Variants in WNK1 observed in about 807,000 individuals in gnomAD.
The protein encoded by WNK1 is WNK lysine deficient protein kinase 1, also known as serine/threonine-protein kinase WNK1.
A neutral mutation model predicts 222.8 loss-of-function variants in WNK1; 38 were observed. The observed-to-expected ratio is 0.17, with a 90% CI of 0.13 to 0.22. The LOEUF (loss-of-function observed/expected upper bound fraction) is 0.22. Ranked by LOEUF, WNK1 falls within the 10% of genes least tolerant of loss-of-function variation. The pLI is 1.00. For synonymous variants in WNK1, 1,090 were observed against 1,092.9 expected, an observed-to-expected ratio of 1.00 and a Z score of 0.05; for missense variants, 2,348 against 2,918.4, an observed-to-expected ratio of 0.80 and a Z score of 4.50.
intron 8 of WNK1, chr12:868,786 A>G: frequency 6.2e-7 from 1 of 1,614,064 alleles, no homozygotes; most frequent in Non-Finnish European, 8.5e-7. Flanking sequence ...CTGTGACTGA[A>G]GAAAAGCATA....
At position 871,202 on chromosome 12, in the gene WNK1, C is replaced by T. The variant is rs556809120; in HGVS notation, c.2140-63C>T. 1.2e-4 allele frequency: 182 copies of T among 1,461,124 alleles called. No homozygotes were observed. In the South Asian group the frequency reaches 2.0e-3, roughly 16 times the overall value. The allele number at this position is 1,461,124 out of a possible 1,614,324, so 90.5% of individuals were successfully genotyped here. On this transcript the variant is annotated intron_variant, in intron 8 of 27. Coordinates refer to ENST00000315939, the MANE Select transcript of WNK1 (RefSeq NM_018979.4). ...GGAGATTAAATATTCATTGCAAAAG[C>T]CTGACCTCTATACACTTACTTTAGG...
chr12:879,602 C>A lies in WNK1; in HGVS notation c.2403C>A (p.Ile801=). Residue 801 remains isoleucine (I), a synonymous_variant, in exon 11 of 28, where the codon ATC becomes ATA. Transcript: ENST00000315939. ...CAGTTTCCCAGCCAGTACCAACTAT[C>A]CAAGGCGAACCTCAGATCCCAGTTG... ...QLPVSQPVPT[I]QGEPQIPVAT... The A allele has an allele frequency of 6.4e-7, 1 of 1,572,752 alleles. No individual in the cohort carries two copies. The highest frequency in any genetic ancestry group is 8.7e-7 in the Non-Finnish European group (1 of 1,155,968).
intron 26 of WNK1, chr12:906,753 G>T: frequency 1.0e-6 from 1 of 985,182 alleles, no homozygotes; most frequent in Non-Finnish European, 1.2e-6. Flanking sequence ...TTTAAAGAAT[G>T]GCTAGGCTGA....
chr12:838,773 G>A (rs1949396889), intron 4 of WNK1, among the ~76,000 whole-genome samples: 1 of 151,982 alleles, frequency 6.6e-6, no homozygotes, highest in Admixed American at 6.6e-5. Context: ...CACTGCTCCT[G>A]GATGACTTCA....
intron 21 of WNK1, 32 bp from the exon 22 acceptor site, chr12:890,421 A>G (rs1307600044): frequency 6.2e-7 from 1 of 1,614,008 alleles, no homozygotes; most frequent in African/African-American, 1.3e-5. Flanking sequence ...GAAGCTAAAG[A>G]TTTGTGGTGT....
intron 1 of WNK1, among the ~76,000 whole-genome samples, chr12:770,604 C>T (rs1942358529): frequency 6.6e-6 from 1 of 152,192 alleles, no homozygotes; most frequent in South Asian, 2.1e-4. Flanking sequence ...AGCAAATTTA[C>T]TACTTCCTTT....
Position 908,893 on chromosome 12 carries a change from A to AT in WNK1, c.*104dup. 1 of 1,293,294 alleles carries AT rather than the reference A, an allele frequency of 7.7e-7. No homozygotes were observed. Among genetic ancestry groups the AT allele is most frequent in the Non-Finnish European group, 1.1e-6 (1 of 916,928 alleles). The allele number at this position is 1,293,294 out of a possible 1,614,324, so 80.1% of individuals were successfully genotyped here. A position where few individuals can be genotyped will look rare whatever the true frequency, so the allele number is the denominator to read the frequency against. On this transcript the variant is annotated 3_prime_UTR_variant, in exon 28 of 28. Coordinates refer to ENST00000315939, the MANE Select transcript of WNK1 (RefSeq NM_018979.4). ...CCTATATACTAACTACTAGTGCTGC[A>AT]TTTAACTGGTTATTTCTTGCCAGAG...
rs377242632 is a variant in WNK1 at position 880,841 on chromosome 12, C to G, written c.2953C>G (p.Leu985Val). Residue 985 changes from leucine to valine, a missense_variant, in exon 12 of 28, where the codon CTG becomes GTG. This residue lies in a region of WNK1 where 547 missense variants were observed against 558.3 expected (regional missense o/e 0.98). Coordinates refer to ENST00000315939, the MANE Select transcript of WNK1 (RefSeq NM_018979.4). ...ATCCCCTCCCATGCCGACAGAAGTACTGGCTACACCTGGGTACTTTCCCAC... is the reference window on the plus strand; with the variant it reads ...ATCCCCTCCCATGCCGACAGAAGTAGTGGCTACACCTGGGTACTTTCCCAC... ...VLSPPMPTEV[L>V]ATPGYFPTVV... The G allele has an allele frequency of 3.6e-5, 58 of 1,613,940 alleles. No homozygotes were observed. Among genetic ancestry groups the G allele is most frequent in the Non-Finnish European group, 4.8e-5 (57 of 1,180,020 alleles).
chr12:815,634 TACTG>T (rs1269080465), intron 2 of WNK1, among the ~76,000 whole-genome samples: 17 of 152,360 alleles, frequency 1.1e-4, no homozygotes, highest in African/African-American at 4.1e-4. Flanking sequence ...AAGTGTCTAA[TACTG>T]AATAATAAGT....
chr12:825,105 A>C (rs1948245429), intron 2 of WNK1, among the ~76,000 whole-genome samples: 1 of 152,200 alleles, frequency 6.6e-6, no homozygotes, highest in Admixed American at 6.5e-5. Context: ...AGTTTTGACA[A>C]GGCATTCATT....
chr12:897,678 T>G lies in WNK1; in HGVS notation c.6445T>G (p.Ser2149Ala). 1 of 1,614,190 alleles carries G rather than the reference T, an allele frequency of 6.2e-7. No individual in the cohort carries two copies. The highest frequency in any genetic ancestry group is 8.5e-7 in the Non-Finnish European group (1 of 1,180,024). ...CTTGGGGAATAAAAGCCCCCAGCTT[T>G]CAGGTAAAAAGCCCTGGACTAGGTC... is the stretch of plus-strand genomic sequence containing the variant. ...SSLGNKSPQLSGNLSGQSAAS... is the reference protein window; with the variant it reads ...SSLGNKSPQLAGNLSGQSAAS... The change falls in exon 25 of 28, where the codon TCA becomes GCA. Residue 2149 changes from serine (S) to alanine (A), a missense_variant. By Grantham distance (99) the Ser-to-Ala change is moderately conservative. Transcript: ENST00000315939.
intron 1 of WNK1, among the ~76,000 whole-genome samples, chr12:780,922 A>G (rs1288258346): frequency 6.6e-6 from 1 of 152,204 alleles, no homozygotes; most frequent in Non-Finnish European, 1.5e-5. Context: ...CTCTCTAGTT[A>G]TTGAATGTAT....
Position 911,165 on chromosome 12 carries a change from G to A in WNK1, c.*2373G>A. On this transcript the variant is annotated 3_prime_UTR_variant, in exon 28 of 28. Coordinates refer to ENST00000315939, the MANE Select transcript of WNK1 (RefSeq NM_018979.4). ...CCTAGAGGAATGAACTAGTGCTACT[G>A]AACTGTTTAAATTATTTTTGTGTTA... is the stretch of plus-strand genomic sequence containing the variant. 1 of 397,116 alleles carries A rather than the reference G, an allele frequency of 2.5e-6. No individual in the cohort carries two copies. Among genetic ancestry groups the A allele is most frequent in the Non-Finnish European group, 4.4e-6 (1 of 225,670 alleles). 24.6% of individuals were successfully genotyped at this position (397,116 alleles called of 1,614,324 possible).
intron 8 of WNK1, among the ~76,000 whole-genome samples, chr12:863,112 T>C (rs1207022991): frequency 1.3e-5 from 2 of 152,194 alleles, no homozygotes. Flanking sequence ...AACTTGTCAC[T>C]GTACAGCACT....
chr12:822,588 A>G (rs1947991507), intron 2 of WNK1, among the ~76,000 whole-genome samples: 1 of 152,128 alleles, frequency 6.6e-6, no homozygotes, highest in Non-Finnish European at 1.5e-5. Context: ...ATAAACCTCC[A>G]ACAGTCTACC....
rs745399591 is a variant in WNK1 at position 885,863 on chromosome 12, A to G, written c.5059A>G (p.Thr1687Ala). Residue 1687 changes from threonine (T) to alanine (A), a missense_variant, in exon 19 of 28, where the codon ACT (threonine) becomes GCT (alanine). Physicochemically the swap from Thr to Ala is moderately conservative, Grantham distance 58 (BLOSUM62 0). Transcript: ENST00000315939. ...GGAGACCTCACTAGTCATAGAGAGC[A>G]CTGTCACACCAGGCATCCCAACTAC... Reference protein sequence around the residue: ...SLETSLVIESTVTPGIPTTAV... With the variant: ...SLETSLVIESAVTPGIPTTAV... 6.2e-7 allele frequency: 1 copy of G among 1,613,734 alleles called. No individual in the cohort carries two copies. The highest frequency in any genetic ancestry group is 8.5e-7 in the Non-Finnish European group (1 of 1,179,664).
chr12:868,398 G>C, intron 8 of WNK1: 1 of 1,613,920 alleles, frequency 6.2e-7, no homozygotes, highest in Non-Finnish European at 8.5e-7. Flanking sequence ...GTACAAGGGG[G>C]CCCTACTTCA....
intron 4 of WNK1, among the ~76,000 whole-genome samples, chr12:843,826 A>G (rs1393348303): frequency 6.6e-6 from 1 of 152,230 alleles, no homozygotes; most frequent in African/African-American, 2.4e-5. Flanking sequence ...TAAAATCTGC[A>G]TTTTACATAG....
At position 883,166 on chromosome 12, in the gene WNK1, T is replaced by G; in HGVS notation, c.3489+107T>G. 3 of 1,017,318 alleles carry G rather than the reference T, an allele frequency of 2.9e-6. No homozygotes were observed. In the South Asian group the frequency reaches 3.8e-5, roughly 13 times the overall value. The allele number at this position is 1,017,318 out of a possible 1,614,324, so 63.0% of individuals were successfully genotyped here. ...TATAATCCATGTTTTTTTAAAGTTA[T>G]GCATTTACTTCAATGTGAATAAAAC... On this transcript the variant is annotated intron_variant, in intron 15 of 27. Coordinates refer to ENST00000315939, the MANE Select transcript of WNK1 (RefSeq NM_018979.4).
Sources: gnomAD v4.1 joint callset for allele counts (sites outside exome capture counted in the v4.1 genomes callset) on GRCh38, gnomAD v4.1.1 for gene constraint, gnomAD v4.1.1 regional missense constraint, MANE v1.5 for transcripts, NCBI Gene and HGNC (gene_info 2026-07-23, HGNC 2026-07-21) for gene names.